ASTN2: variants seen among roughly 807,000 people sequenced by gnomAD.
ASTN2 encodes the protein astrotactin-2.
In ASTN2, 54 loss-of-function variants were observed where a neutral mutation model predicts 139.8. The observed-to-expected ratio is 0.39, with a 90% confidence interval of 0.31 to 0.48. ASTN2 has a LOEUF of 0.48. ASTN2 is among the 20% of genes least tolerant of loss of function. The pLI is 0.95. For missense variants in ASTN2, 1,565 were observed against 1,725.1 expected (o/e 0.91, Z 1.64); for synonymous variants, 756 against 719.5 (o/e 1.05, Z -0.81).
intron 10 of ASTN2, among the ~76,000 whole-genome samples, chr9:116,870,119 C>A (rs1833122810): frequency 6.6e-6 from 1 of 151,516 alleles, no homozygotes; most frequent in African/African-American, 2.4e-5. Flanking sequence ...CACAGTGAGA[C>A]CCTGTCTCAA....
At chr9:116,606,123 C>T (rs778590195) in intron 19 of ASTN2, among the ~76,000 whole-genome samples, 1 of 152,180 alleles carries the variant, frequency 6.6e-6, no homozygotes, top group East Asian at 1.9e-4. Flanking sequence ...GAGAACCAGA[C>T]GTCTGTTTTT....
chr9:116,998,824 GA>G (rs1772153657), intron 7 of ASTN2, among the ~76,000 whole-genome samples: 1 of 152,188 alleles, frequency 6.6e-6, no homozygotes, highest in African/African-American at 2.4e-5. Flanking sequence ...CTACCACATA[GA>G]AAGCCCTAAA....
chr9:116,731,217 AT>A (rs1398365870), intron 14 of ASTN2, among the ~76,000 whole-genome samples: 22 of 122,896 alleles, frequency 1.8e-4, no homozygotes, highest in African/African-American at 5.6e-4. Flanking sequence ...AATAATAATA[AT>A]AATAATAAAT....
intron 10 of ASTN2, among the ~76,000 whole-genome samples, chr9:116,955,997 G>A (rs1396918339): frequency 6.6e-6 from 1 of 152,086 alleles, no homozygotes; most frequent in African/African-American, 2.4e-5. Context: ...TCCCAACATT[G>A]GCTGTACAGC....
intron 19 of ASTN2, among the ~76,000 whole-genome samples, chr9:116,509,561 C>G (rs1256467069): frequency 6.6e-6 from 1 of 152,190 alleles, no homozygotes; most frequent in Non-Finnish European, 1.5e-5. Context: ...ATTTCTGGTT[C>G]TAGATCACTG....
chr9:116,815,804 C>CAAGAAAAAAAAAAAAAAA (rs1831303757), intron 12 of ASTN2, among the ~76,000 whole-genome samples: 1 of 24,108 alleles, frequency 4.1e-5, no homozygotes, highest in Admixed American at 8.7e-4. Context: ...GACTCCGTCT[C>CAAGAAAAAAAAAAAAAAA]AAAAAAAAAA....
At chr9:116,506,831 T>C (rs1452857733) in intron 19 of ASTN2, among the ~76,000 whole-genome samples, 1 of 152,214 alleles carries the variant, frequency 6.6e-6, no homozygotes, top group Non-Finnish European at 1.5e-5. Flanking sequence ...TTACTGACTC[T>C]TCAGCTCCCT....
intron 19 of ASTN2, among the ~76,000 whole-genome samples, chr9:116,553,312 A>G (rs918049273): frequency 6.6e-5 from 10 of 152,144 alleles, no homozygotes; most frequent in South Asian, 6.2e-4. Context: ...GCAACTTTAG[A>G]TGTTTATGGC....
At chr9:117,045,863 G>A (rs1036416654) in intron 5 of ASTN2, among the ~76,000 whole-genome samples, 7 of 152,060 alleles carry the variant, frequency 4.6e-5, no homozygotes, top group Admixed American at 6.6e-5. Flanking sequence ...GTGTTGTGGT[G>A]GGGGAAAGGG....
intron 3 of ASTN2, among the ~76,000 whole-genome samples, chr9:117,188,987 C>T (rs555796701): frequency 7.9e-5 from 12 of 152,082 alleles, no homozygotes; most frequent in Non-Finnish European, 1.6e-4. Context: ...CGTCCATTCT[C>T]ACCAGGACTT....
At chr9:116,446,766 G>C (rs1848011882) in intron 20 of ASTN2, among the ~76,000 whole-genome samples, 2 of 152,146 alleles carry the variant, frequency 1.3e-5, no homozygotes, top group South Asian at 4.1e-4. Context: ...ACCTGAATTT[G>C]AGTCCCAGCT....
At chr9:117,353,485 A>G (rs1564161728) in intron 1 of ASTN2, among the ~76,000 whole-genome samples, 1 of 152,182 alleles carries the variant, frequency 6.6e-6, no homozygotes, top group Non-Finnish European at 1.5e-5. Flanking sequence ...AATAATAGCC[A>G]CATGTTGGGT....
At chr9:116,555,716 G>A (rs1368177851) in intron 19 of ASTN2, among the ~76,000 whole-genome samples, 7 of 152,068 alleles carry the variant, frequency 4.6e-5, no homozygotes, top group East Asian at 1.9e-4. Context: ...AACAATAAAT[G>A]GGGTCAGCTG....
chr9:116,905,523 T>C (rs769547991), intron 10 of ASTN2, among the ~76,000 whole-genome samples: 1 of 152,158 alleles, frequency 6.6e-6, no homozygotes, highest in Non-Finnish European at 1.5e-5. Context: ...GTCGGTCTCC[T>C]TCATGTGCCT....
At chr9:116,587,223 C>T (rs1414872002) in intron 19 of ASTN2, among the ~76,000 whole-genome samples, 2 of 151,804 alleles carry the variant, frequency 1.3e-5, no homozygotes, top group East Asian at 3.9e-4. Context: ...TGCCTGTAAT[C>T]CCAGCTACTT....
intron 16 of ASTN2, among the ~76,000 whole-genome samples, chr9:116,695,382 G>A (rs1021521116): frequency 6.6e-6 from 1 of 152,172 alleles, no homozygotes; most frequent in Non-Finnish European, 1.5e-5. Context: ...AAGGAAGTGG[G>A]ATATCAGGGA....
chr9:116,813,853 G>A (rs1303881698), intron 12 of ASTN2, among the ~76,000 whole-genome samples: 2 of 151,964 alleles, frequency 1.3e-5, no homozygotes, highest in Non-Finnish European at 2.9e-5. Flanking sequence ...TGGTCAACAT[G>A]GCGAAACCCC....
At chr9:117,031,093 TG>T (rs1838234485) in intron 6 of ASTN2, among the ~76,000 whole-genome samples, 1 of 152,128 alleles carries the variant, frequency 6.6e-6, no homozygotes, top group South Asian at 2.1e-4. Flanking sequence ...CCCCTCTTTC[TG>T]GGCTCTGGGA....
intron 17 of ASTN2, among the ~76,000 whole-genome samples, chr9:116,642,293 C>T (rs1857382044): frequency 6.6e-6 from 1 of 151,948 alleles, no homozygotes; most frequent in Non-Finnish European, 1.5e-5. Context: ...CTCCCTTATT[C>T]TGCTGTACTT....
Sources: allele counts gnomAD v4.1 joint callset (sites outside exome capture counted in the v4.1 genomes callset), GRCh38; gene constraint gnomAD v4.1.1; transcripts MANE v1.5; gene names NCBI Gene and HGNC (gene_info 2026-07-23, HGNC 2026-07-21).